CAB39: variants seen among roughly 807,000 people sequenced by gnomAD.
CAB39 encodes calcium binding protein 39.
CAB39 carries 8 observed loss-of-function variants against 40.0 expected under a neutral mutation model. The observed-to-expected ratio is 0.20, with a 90% confidence interval of 0.12 to 0.36. CAB39 has a LOEUF of 0.36. CAB39 is among the 10% of genes least tolerant of loss of function. The probability of loss-of-function intolerance (pLI) is 1.00; values close to 1 mark genes in which losing one functional copy is unlikely to be tolerated. For synonymous variants in CAB39, 156 were observed against 141.6 expected, an observed-to-expected ratio of 1.10 and a Z score of -0.72; for missense variants, 270 against 401.1, an observed-to-expected ratio of 0.67 and a Z score of 2.79.
chr2:230,760,172 C>T (rs747196433), intron 2 of CAB39, 57 bp downstream of exon 2: 33 of 1,036,638 alleles, frequency 3.2e-5, no homozygotes, highest in Non-Finnish European at 4.6e-5. Context: ...TGCAAGACAC[C>T]TTATATGAGG....
chr2:230,767,958 C>T (rs747766257), intron 2 of CAB39, among the ~76,000 whole-genome samples: 9 of 152,254 alleles, frequency 5.9e-5, no homozygotes, highest in African/African-American at 2.2e-4. Flanking sequence ...GCAACCCTAC[C>T]GTGTGGCATT....
At chr2:230,788,627 A>T (rs915340722) in intron 2 of CAB39, among the ~76,000 whole-genome samples, 2 of 152,190 alleles carry the variant, frequency 1.3e-5, no homozygotes, top group Non-Finnish European at 2.9e-5. Flanking sequence ...TCTGTGTCTC[A>T]AAAACTCTAT....
intron 2 of CAB39, among the ~76,000 whole-genome samples, chr2:230,769,875 T>C (rs1345947708): frequency 1.3e-5 from 2 of 150,842 alleles, no homozygotes; most frequent in Admixed American, 6.6e-5. Flanking sequence ...GGAGGATCGC[T>C]TGAGCCCAGG....
chr2:230,738,619 A>C (rs555401919), intron 1 of CAB39, among the ~76,000 whole-genome samples: 1 of 152,348 alleles, frequency 6.6e-6, no homozygotes, highest in East Asian at 1.9e-4. Context: ...CTGTGACTCT[A>C]AATACTGCTG....
At chr2:230,784,345 T>G (rs1695750978) in intron 2 of CAB39, among the ~76,000 whole-genome samples, 1 of 152,130 alleles carries the variant, frequency 6.6e-6, no homozygotes, top group South Asian at 2.1e-4. Flanking sequence ...GTGGAGACAT[T>G]TTGAGAAGGC....
At chr2:230,722,864 G>T (rs1694478329) in intron 1 of CAB39, among the ~76,000 whole-genome samples, 1 of 152,138 alleles carries the variant, frequency 6.6e-6, no homozygotes, top group African/African-American at 2.4e-5. Flanking sequence ...TCAGCCCTCT[G>T]AAATAGTAAG....
At chr2:230,797,984 C>T (rs1008691705) in intron 4 of CAB39, among the ~76,000 whole-genome samples, 5 of 151,918 alleles carry the variant, frequency 3.3e-5, no homozygotes, top group South Asian at 2.1e-4. Context: ...TTTGAGGGGG[C>T]GGAAGAGTCC....
chr2:230,714,430 A>G (rs1694312735), intron 1 of CAB39, among the ~76,000 whole-genome samples: 1 of 152,252 alleles, frequency 6.6e-6, no homozygotes, highest in Non-Finnish European at 1.5e-5. Context: ...ACCTTTGCAG[A>G]AAGCTTCATT....
In CAB39 at chr2:230,813,976, G is replaced by GTTTTT. The variant is rs1335944963; in HGVS notation, c.628-72_628-71insTTTTT. 6 of 262,096 alleles carry GTTTTT rather than the reference G, an allele frequency of 2.3e-5. 1 individual carries two copies. The highest frequency in any genetic ancestry group is 2.1e-4 in the South Asian group (4 of 19,390). The allele number at this position is 262,096 out of a possible 1,614,324, so 16.2% of individuals were successfully genotyped here. On this transcript the variant is annotated intron_variant, in intron 6 of 8. Transcript: ENST00000258418. Reference sequence around the variant, plus strand: ...AGCTAATTTACAATGTTACCTACCAGTCTTTTTTTTTTTTTTTTTTTTTTT... The same window carrying GTTTTT: ...AGCTAATTTACAATGTTACCTACCAGTTTTTTCTTTTTTTTTTTTTTTTTTTTTTT...
At chr2:230,786,940 A>C (rs1472249042) in intron 2 of CAB39, among the ~76,000 whole-genome samples, 1 of 152,216 alleles carries the variant, frequency 6.6e-6, no homozygotes, top group African/African-American at 2.4e-5. Context: ...CTACCATCAG[A>C]TCTCCAAGGC....
At chr2:230,739,931 GTTCGATCT>G (rs1694848213) in intron 1 of CAB39, among the ~76,000 whole-genome samples, 1 of 152,236 alleles carries the variant, frequency 6.6e-6, no homozygotes, top group African/African-American at 2.4e-5. Context: ...CTAACTGCAA[GTTCGATCT>G]TATCAGTGGT....
intron 5 of CAB39, 146 bp from the exon 6 acceptor site, chr2:230,810,117 C>A: frequency 2.0e-6 from 1 of 501,198 alleles, no homozygotes; most frequent in Non-Finnish European, 3.6e-6. Context: ...CTTATAGAAT[C>A]AGTGTTTTAA....
chr2:230,817,966 G>T, intron 8 of CAB39, 69 bp downstream of exon 8: 1 of 1,368,236 alleles, frequency 7.3e-7, no homozygotes, highest in Non-Finnish European at 1.0e-6. Flanking sequence ...CGCAAATAAC[G>T]GAAATTATTA....
chr2:230,730,997 A>G (rs895690072), intron 1 of CAB39, among the ~76,000 whole-genome samples: 12 of 152,186 alleles, frequency 7.9e-5, no homozygotes, highest in Non-Finnish European at 1.6e-4. Flanking sequence ...TCATTTTATA[A>G]CTAATTGAGA....
intron 2 of CAB39, among the ~76,000 whole-genome samples, chr2:230,782,814 T>TTTCTTTCTC (rs71396652): frequency 1.8e-4 from 14 of 77,902 alleles, no homozygotes; most frequent in Non-Finnish European, 3.6e-4. Flanking sequence ...TCTTTCTTTC[T>TTTCTTTCTC]TTTTTTTTTT....
At chr2:230,727,416 C>CTTTTT (rs1254776167) in intron 1 of CAB39, among the ~76,000 whole-genome samples, 6 of 84,754 alleles carry the variant, frequency 7.1e-5, no homozygotes, top group Non-Finnish European at 1.2e-4. Context: ...TTTTCTTTTT[C>CTTTTT]TTTTTTTTTT....
At chr2:230,816,422 G>A (rs1696402052) in intron 7 of CAB39, among the ~76,000 whole-genome samples, 1 of 152,198 alleles carries the variant, frequency 6.6e-6, no homozygotes, top group African/African-American at 2.4e-5. Flanking sequence ...CGTAAGAATA[G>A]ATTTTGTGAT....
intron 5 of CAB39, among the ~76,000 whole-genome samples, chr2:230,801,279 T>TC (rs1197642026): frequency 6.6e-6 from 1 of 152,094 alleles, no homozygotes; most frequent in Non-Finnish European, 1.5e-5. Context: ...TTCCTACTCC[T>TC]CCCTGAAAGA....
chr2:230,752,100 T>G (rs1695099338), intron 1 of CAB39: 1 of 124,904 alleles, frequency 8.0e-6, no homozygotes, highest in African/African-American at 3.1e-5. Context: ...TATGCTTATG[T>G]GCTTTTAAAA....
Sources: gnomAD v4.1 joint callset for allele counts (sites outside exome capture counted in the v4.1 genomes callset) on GRCh38, gnomAD v4.1.1 for gene constraint, MANE v1.5 for transcripts, NCBI Gene and HGNC (gene_info 2026-07-23, HGNC 2026-07-21) for gene names.